The following YES1 variants were observed in gnomAD, a reference collection of about 807,000 sequenced individuals.
YES1 encodes the protein tyrosine-protein kinase Yes.
In YES1, 39 loss-of-function variants were observed where a neutral mutation model predicts 70.4. That is an observed-to-expected ratio of 0.55 (90% CI 0.43 to 0.72). YES1 has a LOEUF of 0.72. Among genes scored for constraint, YES1 ranks in the 30% least tolerant of loss-of-function variants. The pLI is 0.00. For missense variants in YES1, 495 were observed against 644.8 expected (o/e 0.77, Z 2.52); for synonymous variants, 198 against 218.6 (o/e 0.91, Z 0.83).
intron 1 of YES1, among the ~76,000 whole-genome samples, chr18:768,616 G>A (rs1311157410): frequency 1.3e-5 from 2 of 152,088 alleles, no homozygotes; most frequent in African/African-American, 4.8e-5. Flanking sequence ...TGGTCAAGGA[G>A]GGACCACATA....
chr18:753,619 G>C (rs569584543), intron 2 of YES1, among the ~76,000 whole-genome samples: 2 of 152,184 alleles, frequency 1.3e-5, no homozygotes, highest in Admixed American at 6.5e-5. Context: ...CTGAGTAGCT[G>C]GGATTACAGG....
intron 1 of YES1, among the ~76,000 whole-genome samples, chr18:765,392 T>C (rs897140519): frequency 6.7e-5 from 10 of 148,826 alleles, no homozygotes; most frequent in African/African-American, 2.2e-4. Context: ...TATTTTATAA[T>C]TTAACACTTT....
intron 1 of YES1, among the ~76,000 whole-genome samples, chr18:795,848 C>T (rs1906514153): frequency 6.6e-6 from 1 of 151,708 alleles, no homozygotes; most frequent in South Asian, 2.1e-4. Flanking sequence ...TGAAGCAAAA[C>T]ACCATGGCAC....
In YES1 at chr18:756,858, T is replaced by G. The variant is rs758250803; in HGVS notation, c.-8-23A>C. ...AATCTACAGAGACAATAAAATATTT[T>G]GAGAGTCAGTTAACACACAGGATAC... On this transcript the variant is annotated intron_variant, in intron 1 of 11. Coordinates refer to ENST00000314574, the MANE Select transcript of YES1 (RefSeq NM_005433.4). 1.4e-5 allele frequency: 23 copies of G among 1,596,504 alleles called. No homozygotes were observed. The South Asian group carries it at 2.6e-4, about 18-fold the overall frequency.
intron 1 of YES1, among the ~76,000 whole-genome samples, chr18:767,294 C>T (rs899866567): frequency 1.3e-5 from 2 of 152,040 alleles, no homozygotes; most frequent in Non-Finnish European, 2.9e-5. Flanking sequence ...GGACTATAGG[C>T]GAGCACCACC....
At chr18:742,835 A>T in intron 8 of YES1, 83 bp downstream of exon 8, 1 of 1,110,752 alleles carries the variant, frequency 9.0e-7, no homozygotes, top group Non-Finnish European at 1.2e-6. Flanking sequence ...TAAATTAGAA[A>T]ACAGTATAAG....
At position 736,826 on chromosome 18, in the gene YES1, C is replaced by T. The variant is rs1334054013; in HGVS notation, c.1273G>A (p.Glu425Lys). ...FGLARLIEDN[E>K]YTARQGAKFP... ...ATTTTACCTTGTCTTGCTGTGTATT[C>T]ATTGTCTTCAATTAACCTTGCTAAA... Residue 425 changes from glutamate to lysine, a missense_variant, in exon 10 of 12, where the codon GAA becomes AAA. By Grantham distance (56) the Glu-to-Lys change is moderately conservative. Transcript: ENST00000314574. 1.1e-5 allele frequency: 18 copies of T among 1,611,680 alleles called. No homozygotes were observed. The highest frequency in any genetic ancestry group is 1.4e-5 in the Non-Finnish European group (17 of 1,179,852).
chr18:797,864 G>A (rs1356936810), intron 1 of YES1: 2 of 152,130 alleles, frequency 1.3e-5, no homozygotes, highest in Non-Finnish European at 2.9e-5. Flanking sequence ...TCAGAACCTT[G>A]AGATATAATT....
intron 1 of YES1, among the ~76,000 whole-genome samples, chr18:792,527 ATC>A (rs374164158): frequency 0.015 from 1,751 of 115,208 alleles, 29 homozygotes; most frequent in African/African-American, 0.05. Context: ...CTGAGACTCC[ATC>A]TCTCTCTCTC....
intron 3 of YES1, among the ~76,000 whole-genome samples, 162 bp downstream of exon 3, chr18:751,543 A>G (rs1386368219): frequency 6.6e-6 from 1 of 152,226 alleles, no homozygotes; most frequent in Non-Finnish European, 1.5e-5. Flanking sequence ...CTACAGCAGC[A>G]GTGTTGCAAC....
intron 9 of YES1, 151 bp downstream of exon 9, chr18:739,584 G>C: frequency 3.4e-6 from 2 of 587,886 alleles, no homozygotes; most frequent in Non-Finnish European, 5.6e-6. Flanking sequence ...ATTCCACCCT[G>C]GGTGACAGAA....
chr18:795,912 A>ACACACACACACACAC (rs1906519608), intron 1 of YES1, among the ~76,000 whole-genome samples: 1 of 144,590 alleles, frequency 6.9e-6, no homozygotes, highest in African/African-American at 2.6e-5. Context: ...CCAGAACTTA[A>ACACACACACACACAC]ACACACACAC....
intron 11 of YES1, among the ~76,000 whole-genome samples, chr18:729,555 T>C (rs2080062405): frequency 1.3e-5 from 2 of 151,914 alleles, no homozygotes; most frequent in African/African-American, 4.8e-5. Flanking sequence ...ATATTGCTAT[T>C]TTGAAGTCTT....
At chr18:791,328 C>T (rs1159482745) in intron 1 of YES1, among the ~76,000 whole-genome samples, 1 of 151,584 alleles carries the variant, frequency 6.6e-6, no homozygotes, top group Non-Finnish European at 1.5e-5. Flanking sequence ...AGGCATCATG[C>T]AGCTTGCAAT....
intron 1 of YES1, among the ~76,000 whole-genome samples, chr18:777,764 G>A (rs1335149039): frequency 6.8e-6 from 1 of 146,526 alleles, no homozygotes; most frequent in Non-Finnish European, 1.5e-5. Flanking sequence ...CTGAGATCAC[G>A]CCATTACACT....
At chr18:755,103 C>CCCT (rs1359297203) in intron 2 of YES1, among the ~76,000 whole-genome samples, 1 of 152,174 alleles carries the variant, frequency 6.6e-6, no homozygotes, top group East Asian at 1.9e-4. Context: ...TAAACTTTTG[C>CCCT]TAAAGACTTA....
intron 1 of YES1, among the ~76,000 whole-genome samples, chr18:794,523 G>A (rs920282501): frequency 2.0e-5 from 3 of 152,062 alleles, no homozygotes; most frequent in African/African-American, 7.2e-5. Context: ...TACTTTCCTT[G>A]CCACATTTCC....
intron 1 of YES1, among the ~76,000 whole-genome samples, chr18:767,612 C>T: frequency 6.6e-6 from 1 of 152,184 alleles, no homozygotes; most frequent in East Asian, 1.9e-4. Context: ...CATTGTCCTA[C>T]ATATCTATTC....
intron 2 of YES1, among the ~76,000 whole-genome samples, chr18:755,317 T>C (rs12958089): frequency 0.31 from 47,381 of 151,542 alleles, 7,429 homozygotes; most frequent in East Asian, 0.44. Context: ...GGCGCAATCT[T>C]GGCTCACTGC....
Sources: allele counts gnomAD v4.1 joint callset (sites outside exome capture counted in the v4.1 genomes callset), GRCh38; gene constraint gnomAD v4.1.1; transcripts MANE v1.5; gene names NCBI Gene and HGNC (gene_info 2026-07-23, HGNC 2026-07-21).